HSD17B12: variants seen among roughly 807,000 people sequenced by gnomAD.
The protein encoded by HSD17B12 is very-long-chain 3-oxoacyl-CoA reductase.
A neutral mutation model predicts 39.3 loss-of-function variants in HSD17B12; 32 were observed. The observed-to-expected ratio is 0.81, with a 90% CI of 0.61 to 1.09. HSD17B12 has a LOEUF of 1.09. Ranked by LOEUF, HSD17B12 falls within the 50% of genes least tolerant of loss-of-function variation. The pLI is 0.00. For missense variants in HSD17B12, 342 were observed against 382.9 expected, an observed-to-expected ratio of 0.89 and a Z score of 0.89; for synonymous variants, 150 against 146.7, an observed-to-expected ratio of 1.02 and a Z score of -0.16.
At chr11:43,849,679 C>G (rs1036250884) in intron 9 of HSD17B12, among the ~76,000 whole-genome samples, 4 of 152,188 alleles carry the variant, frequency 2.6e-5, no homozygotes, top group Non-Finnish European at 1.5e-5. Context: ...CTCTTTTACC[C>G]AGGTATTTTT....
At chr11:43,847,613 A>G (rs1167572104) in intron 9 of HSD17B12, among the ~76,000 whole-genome samples, 1 of 151,038 alleles carries the variant, frequency 6.6e-6, no homozygotes, top group East Asian at 2.0e-4. Flanking sequence ...AAGCTGAGAC[A>G]GGAGAATCAC....
the HSD17B12 span, among the ~76,000 whole-genome samples, chr11:43,613,434 C>T: frequency 6.7e-5 from 10 of 150,150 alleles, no homozygotes; most frequent in East Asian, 3.9e-4. Context: ...AAAAAACAAA[C>T]GAACAACAAC....
intron 5 of HSD17B12, among the ~76,000 whole-genome samples, chr11:43,815,959 C>T (rs939139959): frequency 6.6e-5 from 10 of 152,136 alleles, no homozygotes; most frequent in South Asian, 2.1e-4. Flanking sequence ...TTACTGAAAA[C>T]GAGAAAAGCA....
At chr11:43,848,645 G>A (rs1047765728) in intron 9 of HSD17B12, 1 of 152,188 alleles carries the variant, frequency 6.6e-6, no homozygotes, top group African/African-American at 2.4e-5. Flanking sequence ...AGATTCTATA[G>A]CCTCTAATTA....
At chr11:43,605,198 C>T in the HSD17B12 span, among the ~76,000 whole-genome samples, 1 of 152,096 alleles carries the variant, frequency 6.6e-6, no homozygotes, top group Non-Finnish European at 1.5e-5. Context: ...TTCTTTGTCC[C>T]TTCCCTTCCC....
chr11:43,822,951 G>C (rs1020540481), intron 6 of HSD17B12, among the ~76,000 whole-genome samples: 1 of 151,978 alleles, frequency 6.6e-6, no homozygotes, highest in Non-Finnish European at 1.5e-5. Context: ...CCCACCAACC[G>C]TGTGGAAGAG....
chr11:43,728,252 G>A (rs1488607448), intron 1 of HSD17B12, among the ~76,000 whole-genome samples: 1 of 151,966 alleles, frequency 6.6e-6, no homozygotes, highest in African/African-American at 2.4e-5. Flanking sequence ...TTTTAGTAGA[G>A]ATGGGGTTTC....
the HSD17B12 span, among the ~76,000 whole-genome samples, chr11:43,648,057 G>A: frequency 6.6e-6 from 1 of 152,026 alleles, no homozygotes; most frequent in African/African-American, 2.4e-5. Flanking sequence ...AAGCAAGATC[G>A]TATGCATATG....
chr11:43,687,325 A>T (rs902343003), intron 1 of HSD17B12, among the ~76,000 whole-genome samples: 4 of 152,208 alleles, frequency 2.6e-5, no homozygotes, highest in African/African-American at 9.6e-5. Flanking sequence ...TTGCCCATTT[A>T]TCCACCACAA....
chr11:43,734,446 G>A (rs1342535679), intron 1 of HSD17B12: 17 of 726,078 alleles, frequency 2.3e-5, no homozygotes, highest in South Asian at 7.2e-5. Flanking sequence ...CCACCGCAGG[G>A]GACAGCCTGA....
At chr11:43,755,473 T>C (rs574539311) in intron 3 of HSD17B12, 1 of 152,352 alleles carries the variant, frequency 6.6e-6, no homozygotes, top group Admixed American at 6.5e-5. Flanking sequence ...ACACAGAGGA[T>C]TGGTGAATGA....
At chr11:43,696,732 A>G (rs572588517) in intron 1 of HSD17B12, among the ~76,000 whole-genome samples, 1 of 152,212 alleles carries the variant, frequency 6.6e-6, no homozygotes, top group African/African-American at 2.4e-5. Context: ...ATGCAGCACT[A>G]TTTACAATAG....
At chr11:43,811,967 C>T (rs549885115) in intron 4 of HSD17B12, among the ~76,000 whole-genome samples, 3 of 152,244 alleles carry the variant, frequency 2.0e-5, no homozygotes, top group South Asian at 4.2e-4. Flanking sequence ...TGAGAACATG[C>T]AATATTTGTC....
intron 1 of HSD17B12, among the ~76,000 whole-genome samples, chr11:43,735,340 T>C (rs1384866473): frequency 6.6e-6 from 1 of 152,206 alleles, no homozygotes; most frequent in Non-Finnish European, 1.5e-5. Context: ...TTTGAGGAAC[T>C]CCCAACCTGT....
At chr11:43,676,043 C>A (rs778616211), upstream of HSD17B12, among the ~76,000 whole-genome samples, 1 of 151,784 alleles carries the variant, frequency 6.6e-6, no homozygotes, top group Non-Finnish European at 1.5e-5. Flanking sequence ...ACCTGGGAGG[C>A]GGAGGTTGTA....
At chr11:43,574,319 G>A in the HSD17B12 span, among the ~76,000 whole-genome samples, 1 of 152,074 alleles carries the variant, frequency 6.6e-6, no homozygotes, top group African/African-American at 2.4e-5. Flanking sequence ...AGTGTTTACT[G>A]GCATCAAAGG....
the HSD17B12 span, among the ~76,000 whole-genome samples, chr11:43,674,449 C>T: frequency 0.35 from 53,800 of 152,082 alleles, 11,746 homozygotes; most frequent in East Asian, 0.73. Flanking sequence ...ATTCCTAATT[C>T]CTAAAAAGAG....
At chr11:43,557,990 G>C in the HSD17B12 span, among the ~76,000 whole-genome samples, 66 of 152,312 alleles carry the variant, frequency 4.3e-4, no homozygotes, top group African/African-American at 1.6e-3. Flanking sequence ...TGTGACGATA[G>C]GGAGGTCACA....
chr11:43,741,176 T>C (rs1950361132), intron 1 of HSD17B12, among the ~76,000 whole-genome samples: 1 of 152,260 alleles, frequency 6.6e-6, no homozygotes, highest in African/African-American at 2.4e-5. Flanking sequence ...AGGTACCACA[T>C]TGATTAATAT....
Sources: allele counts gnomAD v4.1 joint callset (sites outside exome capture counted in the v4.1 genomes callset), GRCh38; gene constraint gnomAD v4.1.1; transcripts MANE v1.5; gene names NCBI Gene and HGNC (gene_info 2026-07-23, HGNC 2026-07-21).